The following CATSPERE variants were observed in gnomAD, a reference collection of about 807,000 sequenced individuals.
The protein encoded by CATSPERE is cation channel sperm-associated auxiliary subunit epsilon.
Under a neutral mutation model 114.1 loss-of-function variants are expected in CATSPERE, and 93 were observed. That is an observed-to-expected ratio of 0.81 (90% confidence interval 0.69 to 0.97). CATSPERE has a LOEUF of 0.97. CATSPERE is among the 50% of genes least tolerant of loss of function. The pLI is 0.00. For synonymous variants in CATSPERE, 341 were observed against 384.1 expected (o/e 0.89, Z 1.31); for missense variants, 1,058 against 1,131.6 (o/e 0.93, Z 0.93).
At chr1:244,606,606 C>CTTTT (rs57618634) in intron 18 of CATSPERE, among the ~76,000 whole-genome samples, 8 of 133,246 alleles carry the variant, frequency 6.0e-5, no homozygotes, top group African/African-American at 2.0e-4. Flanking sequence ...CTTTCTTTTG[C>CTTTT]TTTTTTTTTT....
intron 10 of CATSPERE, among the ~76,000 whole-genome samples, chr1:244,563,023 TG>T (rs1160462502): frequency 2.0e-5 from 3 of 152,186 alleles, no homozygotes; most frequent in Admixed American, 6.5e-5. Flanking sequence ...CTGAGAATGA[TG>T]GTTTCCAGCT....
intron 6 of CATSPERE, among the ~76,000 whole-genome samples, chr1:244,491,258 G>T (rs1424761996): frequency 6.6e-6 from 1 of 152,298 alleles, no homozygotes; most frequent in East Asian, 1.9e-4. Context: ...TCAGACCACA[G>T]TGCAATCAAA....
intron 6 of CATSPERE, among the ~76,000 whole-genome samples, chr1:244,496,002 C>T (rs7524319): frequency 0.053 from 8,078 of 152,204 alleles, 728 homozygotes; most frequent in African/African-American, 0.18. Context: ...ATTTCCATGA[C>T]GTGACCTTGC....
At chr1:244,455,256 T>TC (rs1267433697) in intron 1 of CATSPERE, among the ~76,000 whole-genome samples, 3 of 152,004 alleles carry the variant, frequency 2.0e-5, no homozygotes, top group Non-Finnish European at 2.9e-5. Context: ...GGTTCCCGCG[T>TC]CCCCCCGCTC....
At chr1:244,456,221 C>T (rs759692440) in intron 1 of CATSPERE, among the ~76,000 whole-genome samples, 12 of 152,080 alleles carry the variant, frequency 7.9e-5, no homozygotes, top group Non-Finnish European at 1.6e-4. Flanking sequence ...TATTTCCGTC[C>T]TCTTGGGATC....
chr1:244,591,128 G>T (rs1024653074), intron 14 of CATSPERE, among the ~76,000 whole-genome samples: 3 of 151,196 alleles, frequency 2.0e-5, no homozygotes, highest in African/African-American at 7.3e-5. Context: ...GGAGTTTTTG[G>T]TTTTTGTTCT....
intron 11 of CATSPERE, among the ~76,000 whole-genome samples, chr1:244,574,885 C>CT (rs543959989): frequency 6.6e-6 from 1 of 152,176 alleles, no homozygotes; most frequent in Non-Finnish European, 1.5e-5. Context: ...CCTTTTATAA[C>CT]TTTTTTTATG....
intron 6 of CATSPERE, among the ~76,000 whole-genome samples, chr1:244,497,893 G>T (rs1673376696): frequency 6.6e-6 from 1 of 152,082 alleles, no homozygotes; most frequent in Admixed American, 6.6e-5. Context: ...ACCTGATGTT[G>T]GGAAAGAACA....
At chr1:244,635,809 G>A (rs2270949) in intron 21 of CATSPERE, among the ~76,000 whole-genome samples, 20 of 152,240 alleles carry the variant, frequency 1.3e-4, no homozygotes, top group Middle Eastern at 3.4e-3. Context: ...TTTTTGGGGG[G>A]CTATGAAATC....
Position 244,560,851 on chromosome 1 carries a change from G to A in CATSPERE, c.1213G>A (p.Val405Met). 3 of 1,614,064 alleles carry A rather than the reference G, an allele frequency of 1.9e-6. No homozygotes were observed. The highest frequency in any genetic ancestry group is 2.2e-5 in the South Asian group (2 of 91,078). The change falls in exon 10 of 22, where the codon GTG (valine) becomes ATG (methionine). Residue 405 changes from valine to methionine, a missense_variant. This residue lies in a region of CATSPERE where 787 missense variants were observed against 905.6 expected (regional missense o/e 0.87). Transcript: ENST00000366534. Reference protein sequence around the residue: ...EYTGHPLEIAVFLNYCTVCNV... With the variant: ...EYTGHPLEIAMFLNYCTVCNV... ...TACAGGACACCCTCTGGAGATTGCTGTGTTTTTAAATTATTGCACTGTATG... is the reference window on the plus strand; with the variant it reads ...TACAGGACACCCTCTGGAGATTGCTATGTTTTTAAATTATTGCACTGTATG...
At chr1:244,632,404 A>AT (rs1674072568) in intron 20 of CATSPERE, among the ~76,000 whole-genome samples, 1 of 151,366 alleles carries the variant, frequency 6.6e-6, no homozygotes, top group Non-Finnish European at 1.5e-5. Flanking sequence ...AAAAAAAAAA[A>AT]AAAAATGAAA....
chr1:244,490,505 T>C lies in CATSPERE; in HGVS notation c.351+34T>C, dbSNP rs537768640. 5.4e-5 allele frequency: 65 copies of C among 1,211,694 alleles called. No individual in the cohort carries two copies. The South Asian group carries it at 8.1e-4, about 15-fold the overall frequency. 75.1% of individuals were successfully genotyped at this position (1,211,694 alleles called of 1,614,324 possible). ...TTTTTTAAATTTTGTATAGCCTTCA[T>C]ATATCACTAGTATATTGTTTCTCTC... is the stretch of plus-strand genomic sequence containing the variant. On this transcript the variant is annotated intron_variant, in intron 6 of 21. Coordinates refer to ENST00000366534, the MANE Select transcript of CATSPERE (RefSeq NM_001130957.2).
intron 5 of CATSPERE, among the ~76,000 whole-genome samples, chr1:244,488,080 T>C (rs1437042428): frequency 6.6e-6 from 1 of 152,114 alleles, no homozygotes; most frequent in Non-Finnish European, 1.5e-5. Context: ...TCTCAAGAGT[T>C]AATAAAAAGG....
At chr1:244,610,413 T>G (rs557652711) in intron 19 of CATSPERE, 87 bp downstream of exon 19, 2 of 928,226 alleles carry the variant, frequency 2.2e-6, no homozygotes, top group African/African-American at 3.3e-5. Context: ...GGAAACATTT[T>G]GGATTTAAAT....
At chr1:244,597,721 T>C (rs56401124) in intron 17 of CATSPERE, among the ~76,000 whole-genome samples, 9,425 of 152,234 alleles carry the variant, frequency 0.062, 960 homozygotes, top group African/African-American at 0.21. Context: ...AGCGGTTTAA[T>C]GACAATCGTA....
intron 8 of CATSPERE, among the ~76,000 whole-genome samples, chr1:244,546,986 C>T (rs1659855139): frequency 6.6e-6 from 1 of 152,036 alleles, no homozygotes; most frequent in Admixed American, 6.6e-5. Flanking sequence ...GATTAAAGGT[C>T]ATCAGTCAGA....
At chr1:244,577,254 A>G (rs1665412598) in intron 11 of CATSPERE, among the ~76,000 whole-genome samples, 1 of 151,536 alleles carries the variant, frequency 6.6e-6, no homozygotes. Context: ...CTCTACTTTC[A>G]TTTGATACTT....
intron 7 of CATSPERE, among the ~76,000 whole-genome samples, chr1:244,502,373 A>C (rs561786426): frequency 6.6e-6 from 1 of 152,128 alleles, no homozygotes; most frequent in Non-Finnish European, 1.5e-5. Context: ...AACACTATAA[A>C]GTTGAGTTTT....
At chr1:244,463,667 G>T (rs1315229435) in intron 1 of CATSPERE, among the ~76,000 whole-genome samples, 1 of 150,838 alleles carries the variant, frequency 6.6e-6, no homozygotes, top group Non-Finnish European at 1.5e-5. Context: ...AAAAAACCAG[G>T]TAAAGAGTAT....
Sources: gnomAD v4.1 joint callset for allele counts (sites outside exome capture counted in the v4.1 genomes callset) on GRCh38, gnomAD v4.1.1 for gene constraint, gnomAD v4.1.1 regional missense constraint, MANE v1.5 for transcripts, NCBI Gene and HGNC (gene_info 2026-07-23, HGNC 2026-07-21) for gene names.